The following PDE5A variants were observed in gnomAD, a reference collection of about 807,000 sequenced individuals.
PDE5A encodes cGMP-specific 3',5'-cyclic phosphodiesterase.
Under a neutral mutation model 110.2 loss-of-function variants are expected in PDE5A, and 67 were observed. The observed-to-expected ratio is 0.61, with a 90% confidence interval of 0.50 to 0.75. The LOEUF is 0.75. PDE5A is among the 30% of genes least tolerant of loss of function. The probability of loss-of-function intolerance (pLI) is 0.00; values close to 1 mark genes in which losing one functional copy is unlikely to be tolerated. For missense variants in PDE5A, 862 were observed against 1,045.1 expected, an observed-to-expected ratio of 0.82 and a Z score of 2.42; for synonymous variants, 328 against 351.2, an observed-to-expected ratio of 0.93 and a Z score of 0.74.
chr4:119,501,497 C>G (rs1356666708), intron 19 of PDE5A, among the ~76,000 whole-genome samples: 2 of 152,064 alleles, frequency 1.3e-5, no homozygotes, highest in Non-Finnish European at 2.9e-5. Context: ...CAGGGTTTCA[C>G]CATGTTGGCC....
At chr4:119,616,180 C>T (rs1015809580) in intron 1 of PDE5A, among the ~76,000 whole-genome samples, 7 of 152,246 alleles carry the variant, frequency 4.6e-5, no homozygotes, top group African/African-American at 1.2e-4. Flanking sequence ...CCAAAATCAC[C>T]GTTGGAAGTT....
rs1440439503 is a variant in PDE5A, at chr4:119,497,025, T to TA, written c.*1575dup. On this transcript the variant is annotated 3_prime_UTR_variant, in exon 21 of 21. Coordinates refer to ENST00000354960, the MANE Select transcript of PDE5A (RefSeq NM_001083.4). ...GTACACACTCAGAATTTTAAAAACT[T>TA]AAGGAACATACTGAATTTTAGGCAA... 6.6e-6 allele frequency: 1 copy of TA among 152,070 alleles called. No homozygotes were observed. The highest frequency in any genetic ancestry group is 1.5e-5 in the Non-Finnish European group (1 of 67,980). 9.4% of individuals were successfully genotyped at this position (152,070 alleles called of 1,614,324 possible).
intron 2 of PDE5A, among the ~76,000 whole-genome samples, chr4:119,603,379 C>A (rs199864358): frequency 0.13 from 433 of 3,288 alleles, 3 homozygotes; most frequent in Admixed American, 0.15. Context: ...AAAATAAATA[C>A]ATACATACAT....
At chr4:119,624,383 T>A (rs1033689408) in intron 1 of PDE5A, among the ~76,000 whole-genome samples, 3 of 152,254 alleles carry the variant, frequency 2.0e-5, no homozygotes, top group Middle Eastern at 6.8e-3. Context: ...TGCTACAGCT[T>A]TTAGAAGTGA....
At chr4:119,583,480 G>C (rs1728657488) in intron 3 of PDE5A, among the ~76,000 whole-genome samples, 1 of 144,076 alleles carries the variant, frequency 6.9e-6, no homozygotes, top group Non-Finnish European at 1.6e-5. Context: ...TGTATTCATT[G>C]GAGTGGCACT....
intron 5 of PDE5A, among the ~76,000 whole-genome samples, chr4:119,563,238 A>G (rs72678526): frequency 0.022 from 3,352 of 152,204 alleles, 43 homozygotes; most frequent in African/African-American, 0.046. Context: ...ACTGAGGGCA[A>G]ATTTCTTCAA....
At chr4:119,623,685 G>A (rs1416738757) in intron 1 of PDE5A, among the ~76,000 whole-genome samples, 1 of 152,146 alleles carries the variant, frequency 6.6e-6, no homozygotes, top group Non-Finnish European at 1.5e-5. Context: ...AAATTTGGTT[G>A]CATAGCATAA....
At chr4:119,592,392 A>G (rs970949399) in intron 3 of PDE5A, among the ~76,000 whole-genome samples, 20 of 132,724 alleles carry the variant, frequency 1.5e-4, no homozygotes, top group African/African-American at 5.4e-4. Flanking sequence ...CGGGAGGCGG[A>G]GGCTGCAGTG....
At position 119,497,683 on chromosome 4, in the gene PDE5A, C is replaced by T. The variant is rs17006190; in HGVS notation, c.*918G>A. ...ACAGGAAAAAGAGTCATTTTGTACTCTCTTATCTATAACCATGTCTCACTT... is the reference window on the plus strand; with the variant it reads ...ACAGGAAAAAGAGTCATTTTGTACTTTCTTATCTATAACCATGTCTCACTT... On this transcript the variant is annotated 3_prime_UTR_variant, in exon 21 of 21. Coordinates refer to ENST00000354960, the MANE Select transcript of PDE5A (RefSeq NM_001083.4). 1 of 151,964 alleles carries T rather than the reference C, an allele frequency of 6.6e-6. No individual in the cohort carries two copies. Among genetic ancestry groups the T allele is most frequent in the Admixed American group, 6.6e-5 (1 of 15,248 alleles). The allele number at this position is 151,964 out of a possible 1,614,324, so 9.4% of individuals were successfully genotyped here.
intron 6 of PDE5A, among the ~76,000 whole-genome samples, 193 bp downstream of exon 6, chr4:119,562,640 A>G (rs1344327928): frequency 6.6e-6 from 1 of 152,142 alleles, no homozygotes; most frequent in East Asian, 1.9e-4. Flanking sequence ...AGGCTGATGA[A>G]GACACCCTCC....
At chr4:119,526,637 GA>G (rs1726328746) in intron 11 of PDE5A, among the ~76,000 whole-genome samples, 1 of 152,148 alleles carries the variant, frequency 6.6e-6, no homozygotes, top group Non-Finnish European at 1.5e-5. Context: ...AGTTTCCTAT[GA>G]GTATCTGAGA....
intron 1 of PDE5A, among the ~76,000 whole-genome samples, chr4:119,617,199 A>G (rs1729972049): frequency 6.6e-6 from 1 of 152,090 alleles, no homozygotes; most frequent in Non-Finnish European, 1.5e-5. Flanking sequence ...AAAATAGAAA[A>G]CTACACCTTA....
chr4:119,556,592 C>T lies in PDE5A; in HGVS notation c.1200-2846G>A, dbSNP rs531139851. 2.0e-5 allele frequency among the ~76,000 whole-genome samples: 3 copies of T among 152,200 alleles called. No homozygotes were observed. In the East Asian group the frequency reaches 5.8e-4, roughly 29 times the overall value. On this transcript the variant is annotated intron_variant, in intron 7 of 20. Coordinates refer to ENST00000354960, the MANE Select transcript of PDE5A (RefSeq NM_001083.4). ...TGGGTTTTCATGATCCACAGTTAAG[C>T]CTAATCCTAAGTGATACGGTGTAAC... is the stretch of plus-strand genomic sequence containing the variant.
At position 119,576,778 on chromosome 4, in the gene PDE5A, C is replaced by T. The variant is rs1477252521; in HGVS notation, c.832-9634G>A. Among the ~76,000 whole-genome samples the T allele has an allele frequency of 1.1e-4, 16 of 152,106 alleles. No individual in the cohort carries two copies. In the East Asian group the frequency reaches 3.1e-3, roughly 29 times the overall value. ...CACCCTAACACCACAATTAAAAGAA[C>T]AAGAGAAGCAAGAGCAAACACATTC... is the stretch of plus-strand genomic sequence containing the variant. On this transcript the variant is annotated intron_variant, in intron 3 of 20. Transcript: ENST00000354960.
At chr4:119,610,975 A>C (rs1729721275) in intron 1 of PDE5A, among the ~76,000 whole-genome samples, 1 of 152,152 alleles carries the variant, frequency 6.6e-6, no homozygotes, top group African/African-American at 2.4e-5. Flanking sequence ...TTGGCTTTTC[A>C]TTGAACTGAG....
At chr4:119,588,746 C>T (rs938315230) in intron 3 of PDE5A, among the ~76,000 whole-genome samples, 1 of 152,122 alleles carries the variant, frequency 6.6e-6, no homozygotes, top group Non-Finnish European at 1.5e-5. Flanking sequence ...GTGTTAATCA[C>T]TTGGATTCGC....
At chr4:119,555,002 C>A (rs1727488624) in intron 7 of PDE5A, among the ~76,000 whole-genome samples, 1 of 152,140 alleles carries the variant, frequency 6.6e-6, no homozygotes, top group African/African-American at 2.4e-5. Context: ...TTCTAAGTTT[C>A]CAAAGTTCCA....
chr4:119,576,217 G>T (rs867665622), intron 3 of PDE5A, among the ~76,000 whole-genome samples: 1 of 152,166 alleles, frequency 6.6e-6, no homozygotes, highest in South Asian at 2.1e-4. Context: ...AAGAGACTTA[G>T]ACTCCCACAC....
At position 119,627,057 on chromosome 4, in the gene PDE5A, TG is replaced by T; in HGVS notation, c.152+1462del. The stretch of plus-strand genomic sequence containing the variant: ...AATTTTCAATGATACATCGTCCCAC[TG>T]GTGCCACCGGGGCGCCACCACCCAG... On this transcript the variant is annotated intron_variant, in intron 1 of 20. Coordinates refer to ENST00000354960, the MANE Select transcript of PDE5A (RefSeq NM_001083.4). The surrounding 1 kb of genome is among the most constrained non-coding windows in gnomAD (Gnocchi z 4.6). 7.0e-7 allele frequency: 1 copy of T among 1,424,856 alleles called. No individual in the cohort carries two copies. Among genetic ancestry groups the T allele is most frequent in the Non-Finnish European group, 9.8e-7 (1 of 1,020,426 alleles). 88.3% of individuals were successfully genotyped at this position (1,424,856 alleles called of 1,614,324 possible).
Sources: gnomAD v4.1 joint callset for allele counts (sites outside exome capture counted in the v4.1 genomes callset) on GRCh38, gnomAD v4.1.1 for gene constraint, Gnocchi (gnomAD v3.1) non-coding constraint, MANE v1.5 for transcripts, NCBI Gene and HGNC (gene_info 2026-07-23, HGNC 2026-07-21) for gene names.